DCHS2: variants seen among roughly 807,000 people sequenced by gnomAD.
DCHS2 encodes protocadherin-23.
Under a neutral mutation model 182.4 loss-of-function variants are expected in DCHS2, and 142 were observed. The ratio of observed to expected loss-of-function variants is 0.78; its 90% CI spans 0.68 to 0.89. DCHS2 has a LOEUF of 0.89. DCHS2 is among the 40% of genes least tolerant of loss of function. The pLI is 0.00. For synonymous variants in DCHS2, 1,740 were observed against 1,663.3 expected (o/e 1.05, Z -1.12); for missense variants, 4,319 against 4,198.6 (o/e 1.03, Z -0.79).
At position 154,235,472 on chromosome 4, in the gene DCHS2, G is replaced by A. The variant is rs761991239; in HGVS notation, c.9180C>T (p.Asn3060=). Residue 3060 remains asparagine (N), a synonymous_variant, in exon 20 of 20, where the codon AAC becomes AAT. Coordinates refer to ENST00000357232, the MANE Select transcript of DCHS2 (RefSeq NM_001358235.2). ...GAGTGGCATCCACAGGGACCACCTC[G>A]TTACTGCAGTCGTCAGTTTTCTGGA... ...KAFQKTDDCS[N]EVVPVDATPE... 1.2e-5 allele frequency: 19 copies of A among 1,614,006 alleles called. No homozygotes were observed. Among genetic ancestry groups the A allele is most frequent in the East Asian group, 4.5e-5 (2 of 44,866 alleles).
Position 154,233,369 on chromosome 4 carries a change from A to T in DCHS2, c.*1167T>A, listed in dbSNP as rs907774604. 7.2e-5 allele frequency: 11 copies of T among 152,210 alleles called. No individual in the cohort carries two copies. Among genetic ancestry groups the T allele is most frequent in the Non-Finnish European group, 1.6e-4 (11 of 68,030 alleles). 9.4% of individuals were successfully genotyped at this position (152,210 alleles called of 1,614,324 possible). A position where few individuals can be genotyped will look rare whatever the true frequency, so the allele number is the denominator to read the frequency against. ...TCTAAAATAGTAATTGTACAGAGTC[A>T]TTTTAACCATGTGCCAAACTGCTCC... is the stretch of plus-strand genomic sequence containing the variant. On this transcript the variant is annotated 3_prime_UTR_variant, in exon 20 of 20. Coordinates refer to ENST00000357232, the MANE Select transcript of DCHS2 (RefSeq NM_001358235.2).
At chr4:154,370,377 C>T (rs2110784105) in intron 2 of DCHS2, among the ~76,000 whole-genome samples, 1 of 152,176 alleles carries the variant, frequency 6.6e-6, no homozygotes, top group Middle Eastern at 3.4e-3. Flanking sequence ...ATGGAGACCA[C>T]TATTTTAGGA....
chr4:154,488,936 A>G (rs975740008), intron 1 of DCHS2, among the ~76,000 whole-genome samples: 12 of 150,610 alleles, frequency 8.0e-5, no homozygotes, highest in Admixed American at 2.0e-4. Flanking sequence ...GTGTGTGTAT[A>G]CATGTATTTA....
intron 1 of DCHS2, among the ~76,000 whole-genome samples, chr4:154,447,079 G>A (rs541714342): frequency 6.6e-6 from 1 of 152,164 alleles, no homozygotes; most frequent in Non-Finnish European, 1.5e-5. Context: ...ATTACTTAAG[G>A]TCAGGAGTTC....
intron 2 of DCHS2, among the ~76,000 whole-genome samples, chr4:154,367,002 T>A (rs995603316): frequency 4.6e-5 from 7 of 152,078 alleles, no homozygotes; most frequent in Admixed American, 1.3e-4. Context: ...CCAACCCACA[T>A]GAGGCAGCTA....
chr4:154,457,376 T>C (rs1479441040), intron 1 of DCHS2, among the ~76,000 whole-genome samples: 3 of 152,218 alleles, frequency 2.0e-5, no homozygotes. Flanking sequence ...ATTACCTTCT[T>C]TTATCCTATT....
chr4:154,258,488 C>A (rs1459526502), intron 15 of DCHS2, among the ~76,000 whole-genome samples: 4 of 146,392 alleles, frequency 2.7e-5, no homozygotes. Flanking sequence ...AGCAATTCTC[C>A]TGCCTCAGCC....
chr4:154,240,186 C>A (rs1731733002), intron 18 of DCHS2, among the ~76,000 whole-genome samples: 1 of 151,652 alleles, frequency 6.6e-6, no homozygotes, highest in African/African-American at 2.4e-5. Flanking sequence ...CAAAAATATG[C>A]CTATGAAAGA....
At position 154,240,804 on chromosome 4, in the gene DCHS2, A is replaced by T; in HGVS notation, c.7092T>A (p.Ile2364=). The change falls in exon 18 of 20, where the codon ATT becomes ATA. Residue 2364 remains isoleucine, a synonymous_variant. Coordinates refer to ENST00000357232, the MANE Select transcript of DCHS2 (RefSeq NM_001358235.2). ...CATCATGAACTGACACATGAGTCAC[A>T]ATTACACCAGGCAAAGAATCTGAAA... ...EITEDSLPGV[I]VTHVSVHDVD... is the part of the protein sequence containing the mutation. The T allele has an allele frequency of 3.1e-6, 5 of 1,613,690 alleles. No homozygotes were observed. The South Asian group carries it at 4.4e-5, about 14-fold the overall frequency.
At chr4:154,338,842 T>A (rs1019400086) in intron 3 of DCHS2, among the ~76,000 whole-genome samples, 1 of 152,208 alleles carries the variant, frequency 6.6e-6, no homozygotes, top group Non-Finnish European at 1.5e-5. Context: ...GTCTATGTTA[T>A]CAATCCATTG....
chr4:154,353,918 CT>C (rs904688231), intron 3 of DCHS2, among the ~76,000 whole-genome samples: 4 of 151,868 alleles, frequency 2.6e-5, no homozygotes, highest in African/African-American at 9.7e-5. Flanking sequence ...GTTTGAAGAC[CT>C]TTTTTTTATT....
In DCHS2 at chr4:154,234,638, C is replaced by T; in HGVS notation, c.10014G>A (p.Gln3338=). 1 of 1,614,038 alleles carries T rather than the reference C, an allele frequency of 6.2e-7. No homozygotes were observed. The highest frequency in any genetic ancestry group is 8.5e-7 in the Non-Finnish European group (1 of 1,179,948). The change falls in exon 20 of 20, where the codon CAG becomes CAA. Residue 3338 remains glutamine (Q), a synonymous_variant. Coordinates refer to ENST00000357232, the MANE Select transcript of DCHS2 (RefSeq NM_001358235.2). ...FSPSLSLLTM[Q]PPALSPLLRE... ...TCAACAGTGGAGACAAGGCAGGAGG[C>T]TGCATCGTCAATAGGGAAAGAGATG...
chr4:154,349,539 G>A (rs1038443404), intron 3 of DCHS2, among the ~76,000 whole-genome samples: 3 of 152,156 alleles, frequency 2.0e-5, no homozygotes, highest in Non-Finnish European at 4.4e-5. Flanking sequence ...TATTTCAAAA[G>A]CATATTATTT....
Position 154,489,772 on chromosome 4 carries a change from C to T in DCHS2, c.1584G>A (p.Arg528=). 1 of 1,551,620 alleles carries T rather than the reference C, an allele frequency of 6.4e-7. No homozygotes were observed. ...PLSTEETLLL[R]VADLNDQPPL... is the part of the protein sequence containing the mutation. ...GTGGTTGGTCATTGAGGTCAGCGAC[C>T]CGGAGTAGCAGCGTCTCCTCCGTGC... Residue 528 remains arginine (R), a synonymous_variant, in exon 1 of 20, where the codon CGG becomes CGA. Transcript: ENST00000357232.
At chr4:154,475,358 A>G (rs1735641920) in intron 1 of DCHS2, among the ~76,000 whole-genome samples, 1 of 152,216 alleles carries the variant, frequency 6.6e-6, no homozygotes, top group African/African-American at 2.4e-5. Context: ...AGTTCTTCCC[A>G]TCAAGGCTAT....
chr4:154,305,326 A>C, intron 10 of DCHS2, 95 bp from the exon 11 acceptor site: 2 of 1,383,218 alleles, frequency 1.4e-6, no homozygotes, highest in Non-Finnish European at 1.9e-6. Flanking sequence ...GTTAGGCCAT[A>C]GATGAAAATG....
At position 154,311,426 on chromosome 4, in the gene DCHS2, G is replaced by C. The variant is rs1403713525; in HGVS notation, c.5260+4322C>G. Among the ~76,000 whole-genome samples, 5 of 151,586 alleles carry C rather than the reference G, an allele frequency of 3.3e-5. No individual in the cohort carries two copies. In the East Asian group the frequency reaches 9.7e-4, roughly 29 times the overall value. ...TTTATATTTTTTTTTGTAAAGGTGA[G>C]GTCTTGCTATGTTGCCCAAGCTGGT... is the stretch of plus-strand genomic sequence containing the variant. On this transcript the variant is annotated intron_variant, in intron 10 of 19. Transcript: ENST00000357232.
intron 1 of DCHS2, among the ~76,000 whole-genome samples, chr4:154,413,388 AT>A (rs1429060066): frequency 6.6e-6 from 1 of 152,130 alleles, no homozygotes; most frequent in Non-Finnish European, 1.5e-5. Flanking sequence ...TGCTACTTAT[AT>A]TTTCATGAAT....
At chr4:154,286,851 G>A (rs1734427700) in intron 13 of DCHS2, among the ~76,000 whole-genome samples, 1 of 152,012 alleles carries the variant, frequency 6.6e-6, no homozygotes, top group Non-Finnish European at 1.5e-5. Flanking sequence ...CAATATATAA[G>A]TATAAGAAGG....
Sources: gnomAD v4.1 joint callset for allele counts (sites outside exome capture counted in the v4.1 genomes callset) on GRCh38, gnomAD v4.1.1 for gene constraint, MANE v1.5 for transcripts, NCBI Gene and HGNC (gene_info 2026-07-23, HGNC 2026-07-21) for gene names.